Variants in STRN3 observed in about 807,000 individuals in gnomAD.
STRN3 encodes striatin-3.
A neutral mutation model predicts 95.6 loss-of-function variants in STRN3; 29 were observed. That is an observed-to-expected ratio of 0.30 (90% CI 0.23 to 0.41). The LOEUF is 0.41. STRN3 is among the 10% of genes least tolerant of loss of function. The pLI is 1.00. For synonymous variants in STRN3, 331 were observed against 357.6 expected, an observed-to-expected ratio of 0.93 and a Z score of 0.84; for missense variants, 890 against 972.1, an observed-to-expected ratio of 0.92 and a Z score of 1.12.
chr14:30,954,291 G>A (rs932153116), intron 3 of STRN3, among the ~76,000 whole-genome samples: 8 of 152,038 alleles, frequency 5.3e-5, no homozygotes, highest in East Asian at 1.9e-4. Flanking sequence ...AATATAACCC[G>A]TTTATAAGGT....
At chr14:30,898,255 G>A (rs1594404638) in intron 16 of STRN3, among the ~76,000 whole-genome samples, 1 of 152,116 alleles carries the variant, frequency 6.6e-6, no homozygotes, top group East Asian at 1.9e-4. Flanking sequence ...GGGTTTACAG[G>A]CATGACCCAT....
intron 1 of STRN3, 64 bp from the exon 2 acceptor site, chr14:30,956,306 T>C (rs1879900956): frequency 1.4e-6 from 2 of 1,446,722 alleles, no homozygotes; most frequent in Non-Finnish European, 1.9e-6. Flanking sequence ...AACTGAAAAA[T>C]GGAAAACGAT....
chr14:30,986,478 C>T (rs1011550603), intron 1 of STRN3, among the ~76,000 whole-genome samples: 21 of 152,150 alleles, frequency 1.4e-4, no homozygotes, highest in Non-Finnish European at 2.4e-4. Context: ...CCAGAAAGGA[C>T]ATATTTGCAA....
At chr14:30,974,739 G>C (rs1192268817) in intron 1 of STRN3, among the ~76,000 whole-genome samples, 1 of 152,154 alleles carries the variant, frequency 6.6e-6, no homozygotes, top group Non-Finnish European at 1.5e-5. Context: ...GGGGGGAGTA[G>C]AGGCTAAAGT....
chr14:30,936,660 C>T (rs776697503), intron 5 of STRN3, 36 bp from the exon 6 acceptor site: 13 of 1,585,950 alleles, frequency 8.2e-6, no homozygotes, highest in Non-Finnish European at 1.7e-6. Flanking sequence ...CCAACTATTC[C>T]AATGGTTGGT....
At chr14:30,902,029 G>C (rs901753189) in intron 16 of STRN3, among the ~76,000 whole-genome samples, 1 of 151,758 alleles carries the variant, frequency 6.6e-6, no homozygotes, top group Admixed American at 6.6e-5. Context: ...AAATTAGCCA[G>C]GTATGGTGGT....
chr14:30,905,606 T>A (rs1324741851), intron 14 of STRN3, 48 bp from the exon 15 acceptor site: 1 of 1,543,876 alleles, frequency 6.5e-7, no homozygotes, highest in Non-Finnish European at 8.7e-7. Flanking sequence ...AAAATTACTA[T>A]GAAATCTCTA....
intron 1 of STRN3, among the ~76,000 whole-genome samples, chr14:30,996,865 C>G (rs1280843356): frequency 1.6e-5 from 2 of 128,112 alleles, no homozygotes; most frequent in Admixed American, 8.1e-5. Flanking sequence ...GACTCCATCT[C>G]AAAAAAAAAA....
At chr14:30,984,026 G>A (rs551000533) in intron 1 of STRN3, among the ~76,000 whole-genome samples, 168 of 151,838 alleles carry the variant, frequency 1.1e-3, no homozygotes, top group Non-Finnish European at 2.1e-3. Context: ...AGTGGGGATG[G>A]TGGCAGCAAC....
intron 1 of STRN3, among the ~76,000 whole-genome samples, chr14:30,966,330 A>G (rs993861928): frequency 6.6e-6 from 1 of 152,192 alleles, no homozygotes; most frequent in Non-Finnish European, 1.5e-5. Flanking sequence ...CTTGCTGAGA[A>G]TTAAAAAGAA....
intron 8 of STRN3, among the ~76,000 whole-genome samples, chr14:30,928,970 C>A (rs531707881): frequency 1.3e-4 from 20 of 152,184 alleles, no homozygotes; most frequent in African/African-American, 4.6e-4. Flanking sequence ...TAAAAACAAT[C>A]CTCAAAATCT....
At chr14:30,907,517 T>A (rs539162974) in intron 13 of STRN3, among the ~76,000 whole-genome samples, 1 of 152,190 alleles carries the variant, frequency 6.6e-6, no homozygotes, top group Admixed American at 6.5e-5. Flanking sequence ...TCTATAGATG[T>A]GTCTTTCTGA....
intron 1 of STRN3, among the ~76,000 whole-genome samples, chr14:31,018,957 T>C (rs1883374617): frequency 6.6e-6 from 1 of 152,158 alleles, no homozygotes; most frequent in African/African-American, 2.4e-5. Flanking sequence ...ACCCCATCCC[T>C]ACTAAAATTC....
intron 1 of STRN3, among the ~76,000 whole-genome samples, chr14:31,020,498 TAA>T (rs547694221): frequency 3.5e-5 from 5 of 141,840 alleles, no homozygotes; most frequent in African/African-American, 5.2e-5. Flanking sequence ...AAACTGTCTC[TAA>T]AAAAAAAAAA....
At chr14:31,018,633 G>A in intron 1 of STRN3, 2 of 495,512 alleles carry the variant, frequency 4.0e-6, no homozygotes, top group South Asian at 3.0e-5. Flanking sequence ...AAAGAAGAGT[G>A]CAAGAACTTT....
At chr14:30,917,698 GTTACT>G (rs1464153672) in intron 9 of STRN3, among the ~76,000 whole-genome samples, 1 of 147,936 alleles carries the variant, frequency 6.8e-6, no homozygotes, top group Non-Finnish European at 1.5e-5. Context: ...GAATGATTTT[GTTACT>G]TTAGTGATTT....
At chr14:30,977,504 C>T (rs1183353564) in intron 1 of STRN3, among the ~76,000 whole-genome samples, 1 of 151,374 alleles carries the variant, frequency 6.6e-6, no homozygotes, top group East Asian at 1.9e-4. Flanking sequence ...GAAATGAGGC[C>T]GGGCATGGTG....
At chr14:31,008,814 G>T (rs1219394837) in intron 1 of STRN3, among the ~76,000 whole-genome samples, 1 of 152,118 alleles carries the variant, frequency 6.6e-6, no homozygotes, top group Non-Finnish European at 1.5e-5. Context: ...CAAGGCAAGT[G>T]GATCACTCAA....
At chr14:31,010,223 T>C (rs1023181363) in intron 1 of STRN3, among the ~76,000 whole-genome samples, 1 of 152,212 alleles carries the variant, frequency 6.6e-6, no homozygotes, top group Non-Finnish European at 1.5e-5. Context: ...GTTTTATAAC[T>C]ATTTTTTCTT....
Sources: gnomAD v4.1 joint callset for allele counts (sites outside exome capture counted in the v4.1 genomes callset) on GRCh38, gnomAD v4.1.1 for gene constraint, MANE v1.5 for transcripts, NCBI Gene and HGNC (gene_info 2026-07-23, HGNC 2026-07-21) for gene names.